Variants in CSMD1 observed in about 807,000 individuals in gnomAD.
CSMD1 encodes CUB and Sushi multiple domains 1, also known as CUB and sushi domain-containing protein 1.
A neutral mutation model predicts 417.5 loss-of-function variants in CSMD1; 213 were observed. The ratio of observed to expected loss-of-function variants is 0.51; its 90% confidence interval spans 0.46 to 0.57. The LOEUF is 0.57. Among genes scored for constraint, CSMD1 ranks in the 20% least tolerant of loss-of-function variants. The pLI, the probability that CSMD1 is intolerant of heterozygous loss-of-function variation, is 0.00. For synonymous variants in CSMD1, 2,862 were observed against 1,736.8 expected (o/e 1.65, Z -16.11); for missense variants, 6,923 against 4,529.7 (o/e 1.53, Z -15.17).
At chr8:3,922,831 G>A (rs1809369808) in intron 5 of CSMD1, among the ~76,000 whole-genome samples, 2 of 151,816 alleles carry the variant, frequency 1.3e-5, no homozygotes, top group South Asian at 4.2e-4. Context: ...ATATATTCAT[G>A]GTGTACAACA....
Position 4,340,481 on chromosome 8 carries a change from C to A in CSMD1, c.415+79472G>T, listed in dbSNP as rs1359034445. Among the ~76,000 whole-genome samples, 3 of 152,114 alleles carry A rather than the reference C, an allele frequency of 2.0e-5. No individual in the cohort carries two copies. In the East Asian group the frequency reaches 5.8e-4, roughly 29 times the overall value. On this transcript the variant is annotated intron_variant, in intron 3 of 69. Coordinates refer to ENST00000635120, the MANE Select transcript of CSMD1 (RefSeq NM_033225.6). ...TATGGGTCTGTCTAGGGGTGATGAA[C>A]TCCTCATGGTCGAGTCCCCAATGTC...
rs984017998 is a variant in CSMD1, at chr8:3,724,350, G to A, written c.932-15859C>T. On this transcript the variant is annotated intron_variant, in intron 6 of 69. Transcript: ENST00000635120. Reference sequence around the variant, plus strand: ...TCTCCCAATGCTATCCCGGGTTTTTGTTTGGTCAAATATACTTATTTTCAT... The same window carrying A: ...TCTCCCAATGCTATCCCGGGTTTTTATTTGGTCAAATATACTTATTTTCAT... Among the ~76,000 whole-genome samples, 3 of 151,968 alleles carry A rather than the reference G, an allele frequency of 2.0e-5. No individual in the cohort carries two copies. The East Asian group carries it at 5.8e-4, about 29-fold the overall frequency.
chr8:3,710,641 C>A (rs778683508), intron 6 of CSMD1, among the ~76,000 whole-genome samples: 2 of 152,162 alleles, frequency 1.3e-5, no homozygotes, highest in African/African-American at 4.8e-5. Context: ...GAGACCATGC[C>A]TCTTGGACTC....
intron 4 of CSMD1, among the ~76,000 whole-genome samples, chr8:4,003,879 T>C (rs1432844393): frequency 6.6e-6 from 1 of 152,186 alleles, no homozygotes; most frequent in Non-Finnish European, 1.5e-5. Context: ...TGATAAAATG[T>C]TTGTTTTTGT....
At chr8:3,238,528 C>T (rs982195212) in intron 26 of CSMD1, among the ~76,000 whole-genome samples, 1 of 151,792 alleles carries the variant, frequency 6.6e-6, no homozygotes, top group Non-Finnish European at 1.5e-5. Flanking sequence ...CTGCTTGGAG[C>T]GAGACTACGG....
At chr8:4,332,289 C>T (rs894614338) in intron 3 of CSMD1, among the ~76,000 whole-genome samples, 1 of 152,152 alleles carries the variant, frequency 6.6e-6, no homozygotes, top group African/African-American at 2.4e-5. Flanking sequence ...TGCTCCAAGC[C>T]TCTCTTGGAG....
chr8:4,784,225 G>A (rs1453767712), intron 1 of CSMD1, among the ~76,000 whole-genome samples: 1 of 152,184 alleles, frequency 6.6e-6, no homozygotes, highest in Non-Finnish European at 1.5e-5. Context: ...GAACATTGCG[G>A]CCTATTGTAA....
intron 5 of CSMD1, among the ~76,000 whole-genome samples, chr8:3,950,510 T>C (rs1053394081): frequency 6.6e-6 from 1 of 152,212 alleles, no homozygotes; most frequent in Non-Finnish European, 1.5e-5. Context: ...GCAGACTCCG[T>C]CCACTTGCTG....
chr8:4,176,435 G>C (rs904145592), intron 3 of CSMD1, among the ~76,000 whole-genome samples: 1 of 151,942 alleles, frequency 6.6e-6, no homozygotes, highest in African/African-American at 2.4e-5. Context: ...TACCTTGGAA[G>C]CTTTCCTTTC....
At chr8:4,034,712 T>C (rs952388858) in intron 3 of CSMD1, among the ~76,000 whole-genome samples, 9 of 152,278 alleles carry the variant, frequency 5.9e-5, no homozygotes, top group South Asian at 2.1e-4. Context: ...CAAAAGCTTT[T>C]TGATGTTTTT....
At chr8:3,950,574 C>T (rs998173805) in intron 5 of CSMD1, among the ~76,000 whole-genome samples, 1 of 152,186 alleles carries the variant, frequency 6.6e-6, no homozygotes, top group Non-Finnish European at 1.5e-5. Flanking sequence ...TTGCCCATAG[C>T]AATATTGCGT....
At position 3,266,594 on chromosome 8, in the gene CSMD1, G is replaced by T. The variant is rs185664657; in HGVS notation, c.4153+17550C>A. On this transcript the variant is annotated intron_variant, in intron 26 of 69. Transcript: ENST00000635120. ...GCATTCCAGCCTGGTGGCAGAGTGAGACTCCCTCTCAAAAAAAAAAAAAAA... is the reference window on the plus strand; with the variant it reads ...GCATTCCAGCCTGGTGGCAGAGTGATACTCCCTCTCAAAAAAAAAAAAAAA... Among the ~76,000 whole-genome samples the T allele has an allele frequency of 2.4e-3, 251 of 102,484 alleles. 2 individuals carry two copies. The highest frequency in any genetic ancestry group is 9.3e-3 in the African/African-American group (240 of 25,944). The allele number at this position is 102,484 out of a possible 152,430, so 67.2% of individuals were successfully genotyped here. A position where few individuals can be genotyped will look rare whatever the true frequency, so the allele number is the denominator to read the frequency against.
intron 1 of CSMD1, among the ~76,000 whole-genome samples, chr8:4,727,321 G>C (rs1392507776): frequency 6.6e-6 from 1 of 152,076 alleles, no homozygotes; most frequent in Non-Finnish European, 1.5e-5. Flanking sequence ...AAGTGTTTGA[G>C]AAACCCATGA....
intron 2 of CSMD1, among the ~76,000 whole-genome samples, chr8:4,560,335 T>C (rs1232904582): frequency 6.6e-6 from 1 of 152,220 alleles, no homozygotes; most frequent in Non-Finnish European, 1.5e-5. Context: ...GCACGTGGTC[T>C]CCTACATGTG....
At chr8:3,298,208 A>G (rs897733506) in intron 25 of CSMD1, among the ~76,000 whole-genome samples, 22 of 152,174 alleles carry the variant, frequency 1.4e-4, no homozygotes, top group African/African-American at 5.3e-4. Flanking sequence ...AGGATTCACC[A>G]TTACCCAGCA....
At chr8:3,689,016 T>A (rs1800092930) in intron 7 of CSMD1, among the ~76,000 whole-genome samples, 1 of 152,180 alleles carries the variant, frequency 6.6e-6, no homozygotes, top group Non-Finnish European at 1.5e-5. Flanking sequence ...ATGTACAATA[T>A]TCTGATTTTA....
intron 3 of CSMD1, among the ~76,000 whole-genome samples, chr8:4,138,638 C>T (rs1207864756): frequency 6.7e-6 from 1 of 149,902 alleles, no homozygotes; most frequent in Admixed American, 6.7e-5. Flanking sequence ...AAAAACATCT[C>T]TTAAGGTTGA....
At chr8:4,606,989 T>C (rs1800910004) in intron 2 of CSMD1, among the ~76,000 whole-genome samples, 1 of 152,234 alleles carries the variant, frequency 6.6e-6, no homozygotes, top group Non-Finnish European at 1.5e-5. Flanking sequence ...TTAAATTTTT[T>C]CATGTGGCAC....
chr8:3,525,576 G>T (rs1298593699), intron 10 of CSMD1, among the ~76,000 whole-genome samples: 1 of 152,168 alleles, frequency 6.6e-6, no homozygotes, highest in South Asian at 2.1e-4. Flanking sequence ...CAGGGAACAA[G>T]CAGAGGGATA....
Sources: allele counts gnomAD v4.1 joint callset (sites outside exome capture counted in the v4.1 genomes callset), GRCh38; gene constraint gnomAD v4.1.1; transcripts MANE v1.5; gene names NCBI Gene and HGNC (gene_info 2026-07-23, HGNC 2026-07-21).